ERICH3: variants seen among roughly 807,000 people sequenced by gnomAD.
ERICH3 encodes the protein glutamate rich 3, also known as glutamate-rich protein 3.
In ERICH3, 126 loss-of-function variants were observed where a neutral mutation model predicts 131.1. That is an observed-to-expected ratio of 0.96 (90% confidence interval 0.83 to 1.11). The LOEUF is 1.11. Ranked by LOEUF, ERICH3 falls within the 50% of genes most tolerant of loss-of-function variation. The pLI, the probability that ERICH3 is intolerant of heterozygous loss-of-function variation, is 0.00. For synonymous variants in ERICH3, 695 were observed against 644.6 expected, an observed-to-expected ratio of 1.08 and a Z score of -1.18; for missense variants, 2,050 against 1,810.7, an observed-to-expected ratio of 1.13 and a Z score of -2.40.
chr1:74,646,913 C>CAG (rs1396146117), intron 2 of ERICH3, 121 bp from the exon 3 acceptor site: 10 of 266,882 alleles, frequency 3.7e-5, no homozygotes, highest in African/African-American at 2.0e-4. Context: ...CACACACACA[C>CAG]ACAGAGAGAG....
chr1:74,577,004 A>C (rs1647071129), intron 12 of ERICH3, 68 bp from the exon 13 acceptor site: 1 of 1,449,046 alleles, frequency 6.9e-7, no homozygotes, highest in Admixed American at 2.2e-5. Flanking sequence ...ATGGTTCTCC[A>C]TCTCTCCAGT....
chr1:74,642,849 T>G (rs1646448196), intron 4 of ERICH3, among the ~76,000 whole-genome samples, 178 bp downstream of exon 4: 3 of 152,158 alleles, frequency 2.0e-5, no homozygotes, highest in Admixed American at 1.3e-4. Flanking sequence ...CTCCTATATT[T>G]GTCACAATCT....
intron 8 of ERICH3, 122 bp downstream of exon 8, chr1:74,620,612 A>T: frequency 1.2e-6 from 1 of 813,942 alleles, no homozygotes; most frequent in Non-Finnish European, 1.8e-6. Context: ...CAGCTGGTTT[A>T]TAAGTCCCTG....
At position 74,649,211 on chromosome 1, in the gene ERICH3, C is replaced by T. The variant is rs1570907141; in HGVS notation, c.117+11G>A. On this transcript the variant is annotated intron_variant, in intron 2 of 14. Coordinates refer to ENST00000326665, the MANE Select transcript of ERICH3 (RefSeq NM_001002912.5). ...AACAAGAAGGTCAGTGGAAAGTAAA[C>T]CAAAACTTACCAGTCCTGATCTTAA... 2 of 1,588,218 alleles carry T rather than the reference C, an allele frequency of 1.3e-6. No homozygotes were observed. The highest frequency in any genetic ancestry group is 2.3e-5 in the East Asian group (1 of 44,198).
At chr1:74,640,159 T>G (rs1200485257) in intron 5 of ERICH3, among the ~76,000 whole-genome samples, 5 of 152,140 alleles carry the variant, frequency 3.3e-5, no homozygotes, top group Admixed American at 3.3e-4. Flanking sequence ...GCTGGAAAAT[T>G]GAAAAGAAAG....
At chr1:74,588,098 A>G (rs1219780734) in intron 12 of ERICH3, among the ~76,000 whole-genome samples, 4 of 152,196 alleles carry the variant, frequency 2.6e-5, no homozygotes, top group Non-Finnish European at 5.9e-5. Context: ...ACTCTGTTCT[A>G]GAGTTATTTT....
At chr1:74,619,564 C>G (rs1228868231) in intron 8 of ERICH3, among the ~76,000 whole-genome samples, 1 of 152,170 alleles carries the variant, frequency 6.6e-6, no homozygotes, top group Non-Finnish European at 1.5e-5. Flanking sequence ...TGGAACTGAT[C>G]AAGGGCCTTG....
At chr1:74,630,405 CA>C (rs1649554001) in intron 7 of ERICH3, among the ~76,000 whole-genome samples, 1 of 152,172 alleles carries the variant, frequency 6.6e-6, no homozygotes, top group African/African-American at 2.4e-5. Context: ...GTGTAAGTGA[CA>C]TGTGCCACTC....
chr1:74,572,511 T>C lies in ERICH3; in HGVS notation c.3199A>G (p.Lys1067Glu). Residue 1067 changes from lysine (K) to glutamate (E), a missense_variant, in exon 14 of 15, where the codon AAA becomes GAA. By Grantham distance (56) the Lys-to-Glu change is moderately conservative (BLOSUM62 1). Coordinates refer to ENST00000326665, the MANE Select transcript of ERICH3 (RefSeq NM_001002912.5). ...ARERRKAERP[K>E]TSLRKTDSER... is the part of the protein sequence containing the mutation. ...GAGTCAGTTTTCCTCAGAGATGTTT[T>C]TGGCCTCTCAGCTTTCCTTCGCTCT... is the stretch of plus-strand genomic sequence containing the variant. 6.2e-7 allele frequency: 1 copy of C among 1,614,154 alleles called. No homozygotes were observed.
intron 1 of ERICH3, among the ~76,000 whole-genome samples, chr1:74,663,192 C>G (rs1046538703): frequency 6.6e-6 from 1 of 152,082 alleles, no homozygotes; most frequent in Non-Finnish European, 1.5e-5. Flanking sequence ...ACCAAGCGAA[C>G]ATATTGACAT....
intron 10 of ERICH3, among the ~76,000 whole-genome samples, chr1:74,602,377 G>A (rs696699): frequency 0.22 from 33,023 of 151,820 alleles, 4,510 homozygotes; most frequent in African/African-American, 0.38. Flanking sequence ...ATACGAATAA[G>A]CCAGCGACAT....
chr1:74,597,537 A>G (rs963544973), intron 11 of ERICH3, among the ~76,000 whole-genome samples: 1 of 151,966 alleles, frequency 6.6e-6, no homozygotes, highest in Non-Finnish European at 1.5e-5. Flanking sequence ...TTAAAATATT[A>G]TATATTATGT....
intron 9 of ERICH3, among the ~76,000 whole-genome samples, chr1:74,612,023 G>A (rs1648721644): frequency 6.6e-6 from 1 of 152,110 alleles, no homozygotes; most frequent in Non-Finnish European, 1.5e-5. Flanking sequence ...TAGAAAATAT[G>A]AAAGCCCACA....
At chr1:74,593,298 A>G (rs541308492) in intron 11 of ERICH3, among the ~76,000 whole-genome samples, 1 of 152,228 alleles carries the variant, frequency 6.6e-6, no homozygotes, top group South Asian at 2.1e-4. Context: ...CATCACTATA[A>G]TTAAAATCTT....
intron 12 of ERICH3, among the ~76,000 whole-genome samples, chr1:74,588,401 C>T (rs1488643609): frequency 6.6e-6 from 1 of 152,084 alleles, no homozygotes; most frequent in East Asian, 1.9e-4. Flanking sequence ...TTTTTATTGA[C>T]TATGGTGCCT....
chr1:74,571,613 G>T lies in ERICH3; in HGVS notation c.4097C>A (p.Ala1366Asp). 6.2e-7 allele frequency: 1 copy of T among 1,614,036 alleles called. No homozygotes were observed. Among genetic ancestry groups the T allele is most frequent in the Non-Finnish European group, 8.5e-7 (1 of 1,180,008 alleles). The change falls in exon 14 of 15, where the codon GCC becomes GAC. Residue 1366 changes from alanine to aspartate, a missense_variant. Coordinates refer to ENST00000326665, the MANE Select transcript of ERICH3 (RefSeq NM_001002912.5). ...TTTATTTGCTATTGTTTTCTCCTCG[G>T]CTGTCTCCGAACCTGCCAACACCTC... ...EREVLAGSET[A>D]EEKTIANKAS...
chr1:74,573,554 A>G, intron 13 of ERICH3, 63 bp from the exon 14 acceptor site: 3 of 1,432,750 alleles, frequency 2.1e-6, no homozygotes, highest in Non-Finnish European at 2.7e-6. Context: ...AGGGGACACT[A>G]TAATCTTATA....
intron 1 of ERICH3, among the ~76,000 whole-genome samples, chr1:74,661,225 A>T (rs529501260): frequency 4.3e-4 from 66 of 152,236 alleles, no homozygotes; most frequent in East Asian, 1.5e-3. Context: ...ATGCTCAGCC[A>T]TTTAAAAATA....
chr1:74,625,708 T>G (rs1649392375), intron 7 of ERICH3: 2 of 152,182 alleles, frequency 1.3e-5, no homozygotes, highest in Admixed American at 6.5e-5. Flanking sequence ...TCATTTGCCA[T>G]TATCAACAAA....
Sources: allele counts gnomAD v4.1 joint callset (sites outside exome capture counted in the v4.1 genomes callset), GRCh38; gene constraint gnomAD v4.1.1; transcripts MANE v1.5; gene names NCBI Gene and HGNC (gene_info 2026-07-23, HGNC 2026-07-21).